EML6: variants seen among roughly 807,000 people sequenced by gnomAD.
EML6 encodes the protein echinoderm microtubule-associated protein-like 6.
A neutral mutation model predicts 240.1 loss-of-function variants in EML6; 154 were observed. That is an observed-to-expected ratio of 0.64 (90% CI 0.56 to 0.73). The LOEUF is 0.73. Ranked by LOEUF, EML6 falls within the 30% of genes least tolerant of loss-of-function variation. EML6 has a pLI of 0.00. For missense variants in EML6, 2,964 were observed against 2,474.6 expected, an observed-to-expected ratio of 1.20 and a Z score of -4.20; for synonymous variants, 1,148 against 899.0, an observed-to-expected ratio of 1.28 and a Z score of -4.95.
intron 4 of EML6, among the ~76,000 whole-genome samples, chr2:54,818,199 T>C (rs1177819230): frequency 2.0e-5 from 3 of 151,438 alleles, no homozygotes; most frequent in African/African-American, 7.3e-5. Flanking sequence ...ACCAGTAAAA[T>C]CTCCTTACTT....
Position 54,763,402 on chromosome 2 carries a change from A to G in EML6, c.197+38144A>G, listed in dbSNP as rs368080926. Among the ~76,000 whole-genome samples, 20 of 152,276 alleles carry G rather than the reference A, an allele frequency of 1.3e-4. 1 individual carries two copies. In the East Asian group the frequency reaches 3.9e-3, roughly 29 times the overall value. On this transcript the variant is annotated intron_variant, in intron 2 of 41. Transcript: ENST00000356458. ...TAGGCTTCTCCCTCTATTCTTGTTG[A>G]TCTAATTGAATTTTTGAATGTTTAT...
At position 54,916,835 on chromosome 2, in the gene EML6, A is replaced by T; in HGVS notation, c.3575A>T (p.Asp1192Val). ...GAGGGAATCTGGCCAGCACATAGCG[A>T]TATAACTGACGTAAATGCTGCCAGT... is the stretch of plus-strand genomic sequence containing the variant. ...TCEGIWPAHS[D>V]ITDVNAASLT... The change falls in exon 26 of 42, where the codon GAT becomes GTT. Residue 1192 changes from aspartate (D) to valine (V), a missense_variant. Coordinates refer to ENST00000356458, the MANE Select transcript of EML6 (RefSeq NM_001039753.4). 6.4e-7 allele frequency: 1 copy of T among 1,550,978 alleles called. No individual in the cohort carries two copies. Among genetic ancestry groups the T allele is most frequent in the Non-Finnish European group, 8.7e-7 (1 of 1,146,346 alleles).
chr2:54,959,363 CCTAT>C (rs1038899880), intron 34 of EML6, 102 bp downstream of exon 34: 46 of 1,175,706 alleles, frequency 3.9e-5, no homozygotes, highest in Non-Finnish European at 5.0e-5. Flanking sequence ...CTGTCATCCT[CCTAT>C]CTTTTTTGCA....
At chr2:54,730,863 A>G (rs1683126355) in intron 2 of EML6, among the ~76,000 whole-genome samples, 1 of 152,248 alleles carries the variant, frequency 6.6e-6, no homozygotes, top group South Asian at 2.1e-4. Context: ...TGCAGGGGGT[A>G]TAGCAGTGAA....
At chr2:54,900,655 C>T (rs1451959803) in intron 22 of EML6, among the ~76,000 whole-genome samples, 4 of 152,150 alleles carry the variant, frequency 2.6e-5, no homozygotes, top group East Asian at 1.9e-4. Flanking sequence ...ATAAATGGCC[C>T]GGCCTCCCTA....
chr2:54,944,544 C>T (rs1675584535), intron 28 of EML6, among the ~76,000 whole-genome samples: 2 of 152,148 alleles, frequency 1.3e-5, no homozygotes, highest in African/African-American at 4.8e-5. Flanking sequence ...TTACTTAGTT[C>T]CCTTTACGCC....
At chr2:54,817,702 G>A (rs1421836952) in intron 4 of EML6, among the ~76,000 whole-genome samples, 1 of 152,102 alleles carries the variant, frequency 6.6e-6, no homozygotes, top group Non-Finnish European at 1.5e-5. Flanking sequence ...TTTGTGTTGG[G>A]CCGCATTCAC....
intron 30 of EML6, 112 bp downstream of exon 30, chr2:54,950,891 C>A: frequency 1.8e-6 from 2 of 1,118,654 alleles, no homozygotes; most frequent in East Asian, 2.7e-5. Context: ...TAGAGCCATT[C>A]CCCCCAATTC....
chr2:54,887,261 T>C (rs1344586815), intron 17 of EML6, among the ~76,000 whole-genome samples: 4 of 152,362 alleles, frequency 2.6e-5, no homozygotes, highest in Non-Finnish European at 4.4e-5. Flanking sequence ...TTGGGCTAAA[T>C]TGGTTACTTA....
At chr2:54,911,441 T>C (rs2104289209) in intron 25 of EML6, among the ~76,000 whole-genome samples, 1 of 152,140 alleles carries the variant, frequency 6.6e-6, no homozygotes, top group Middle Eastern at 3.4e-3. Flanking sequence ...AATTTTTTTT[T>C]TTTTTTGAGG....
chr2:54,872,916 G>A (rs972987651), intron 16 of EML6, among the ~76,000 whole-genome samples: 1 of 152,136 alleles, frequency 6.6e-6, no homozygotes, highest in Non-Finnish European at 1.5e-5. Flanking sequence ...TGCTCTTGTG[G>A]CACTCCATGT....
intron 11 of EML6, among the ~76,000 whole-genome samples, chr2:54,855,503 G>A (rs1033872162): frequency 1.4e-5 from 2 of 140,524 alleles, no homozygotes; most frequent in African/African-American, 5.4e-5. Flanking sequence ...TTCAACATGA[G>A]GTTTGAGCAG....
At chr2:54,925,077 G>A (rs1474068042) in intron 26 of EML6, among the ~76,000 whole-genome samples, 1 of 152,164 alleles carries the variant, frequency 6.6e-6, no homozygotes, top group East Asian at 1.9e-4. Flanking sequence ...TTTGGAGATA[G>A]GTCATTTAGG....
chr2:54,953,452 C>T (rs1302756892), intron 31 of EML6, among the ~76,000 whole-genome samples: 1 of 152,198 alleles, frequency 6.6e-6, no homozygotes, highest in East Asian at 1.9e-4. Flanking sequence ...ATAAAATCCT[C>T]TGCAAGTGTG....
At chr2:54,767,641 TG>T (rs1258742733) in intron 2 of EML6, among the ~76,000 whole-genome samples, 2 of 151,634 alleles carry the variant, frequency 1.3e-5, no homozygotes, top group African/African-American at 2.4e-5. Flanking sequence ...TATGTGTGTG[TG>T]TGTATGTTGC....
chr2:54,859,277 G>A (rs1670550536), intron 11 of EML6, among the ~76,000 whole-genome samples: 2 of 152,134 alleles, frequency 1.3e-5, no homozygotes, highest in Non-Finnish European at 2.9e-5. Context: ...GAAGCAGTAG[G>A]CATTATTTGG....
chr2:54,932,661 G>A (rs1018308493), intron 28 of EML6, among the ~76,000 whole-genome samples: 1 of 152,188 alleles, frequency 6.6e-6, no homozygotes, highest in African/African-American at 2.4e-5. Context: ...AAGGAGGAAA[G>A]CATAGTTTTT....
At chr2:54,947,524 G>A (rs1233309557) in intron 28 of EML6, among the ~76,000 whole-genome samples, 1 of 151,752 alleles carries the variant, frequency 6.6e-6, no homozygotes, top group Non-Finnish European at 1.5e-5. Context: ...CAAGCCATTC[G>A]AGCAGGCAGG....
At chr2:54,888,574 G>C (rs904352945) in intron 17 of EML6, among the ~76,000 whole-genome samples, 3 of 152,082 alleles carry the variant, frequency 2.0e-5, no homozygotes, top group Non-Finnish European at 4.4e-5. Flanking sequence ...CATGTTAGTA[G>C]TTTTTACCTT....
Sources: allele counts gnomAD v4.1 joint callset (sites outside exome capture counted in the v4.1 genomes callset), GRCh38; gene constraint gnomAD v4.1.1; transcripts MANE v1.5; gene names NCBI Gene and HGNC (gene_info 2026-07-23, HGNC 2026-07-21).